MYT1L: variants seen among roughly 807,000 people sequenced by gnomAD.
The protein encoded by MYT1L is myelin transcription factor 1-like protein.
MYT1L carries 12 observed loss-of-function variants against 126.7 expected under a neutral mutation model. The ratio of observed to expected loss-of-function variants is 0.09; its 90% confidence interval spans 0.06 to 0.15. MYT1L has a LOEUF of 0.15. Ranked by LOEUF, MYT1L falls within the 10% of genes least tolerant of loss-of-function variation. MYT1L has a pLI of 1.00. For missense variants in MYT1L, 979 were observed against 1,585.2 expected (o/e 0.62, Z 6.49); for synonymous variants, 541 against 604.2 (o/e 0.90, Z 1.53).
intron 8 of MYT1L, among the ~76,000 whole-genome samples, chr2:1,956,995 C>A (rs1558535859): frequency 6.6e-6 from 1 of 152,150 alleles, no homozygotes; most frequent in Non-Finnish European, 1.5e-5. Context: ...TCTGTGTGAG[C>A]AGGAAGGGGT....
chr2:2,209,630 T>G (rs2093434401), intron 2 of MYT1L, among the ~76,000 whole-genome samples: 1 of 152,192 alleles, frequency 6.6e-6, no homozygotes, highest in Non-Finnish European at 1.5e-5. Context: ...ACATATATTT[T>G]TAAATTTTTA....
At chr2:2,199,512 G>A (rs2092966971) in intron 2 of MYT1L, among the ~76,000 whole-genome samples, 1 of 152,168 alleles carries the variant, frequency 6.6e-6, no homozygotes, top group African/African-American at 2.4e-5. Context: ...AGGAGCCACA[G>A]GAGAAAAGGG....
At chr2:2,222,690 A>G (rs79333037) in intron 2 of MYT1L, among the ~76,000 whole-genome samples, 121 of 152,294 alleles carry the variant, frequency 7.9e-4, no homozygotes, top group African/African-American at 2.8e-3. Context: ...ACTAGACTAC[A>G]CACAGACTCA....
At chr2:2,042,719 A>G (rs948809110) in intron 4 of MYT1L, among the ~76,000 whole-genome samples, 2 of 152,042 alleles carry the variant, frequency 1.3e-5, no homozygotes, top group Non-Finnish European at 2.9e-5. Flanking sequence ...TGGAGCCACT[A>G]TGTGGTCTTT....
At chr2:2,095,002 C>T (rs771730851) in intron 3 of MYT1L, among the ~76,000 whole-genome samples, 5 of 152,184 alleles carry the variant, frequency 3.3e-5, no homozygotes, top group African/African-American at 4.8e-5. Flanking sequence ...TCAAGCGAGC[C>T]GTGTCTCCAA....
intron 13 of MYT1L, among the ~76,000 whole-genome samples, chr2:1,904,216 G>T (rs115190848): frequency 2.6e-5 from 4 of 152,242 alleles, no homozygotes; most frequent in Non-Finnish European, 4.4e-5. Context: ...TCCTTTTTCT[G>T]ACACAGCCAT....
At chr2:1,916,592 T>C (rs1398904204) in intron 11 of MYT1L, among the ~76,000 whole-genome samples, 1 of 152,266 alleles carries the variant, frequency 6.6e-6, no homozygotes, top group Non-Finnish European at 1.5e-5. Flanking sequence ...CATGGACTTA[T>C]TCCACATGAT....
intron 3 of MYT1L, among the ~76,000 whole-genome samples, chr2:2,137,288 C>A (rs1215346867): frequency 1.3e-5 from 2 of 152,114 alleles, no homozygotes; most frequent in Non-Finnish European, 2.9e-5. Context: ...AGATTCAATG[C>A]CATCCTCATC....
At position 1,874,827 on chromosome 2, in the gene MYT1L, C is replaced by T. The variant is rs1007437096; in HGVS notation, c.2711+11712G>A. ...CTCAGCCATCCTCCTGCCCCATTTC[C>T]ACCTAGGGCAACGGGATTTTCAGGC... On this transcript the variant is annotated intron_variant, in intron 18 of 24. Coordinates refer to ENST00000647738, the MANE Select transcript of MYT1L (RefSeq NM_001303052.2). Among the ~76,000 whole-genome samples the T allele has an allele frequency of 3.7e-4, 56 of 152,172 alleles. 1 individual carries two copies. The highest frequency in any genetic ancestry group is 8.8e-5 in the Non-Finnish European group (6 of 68,026).
At chr2:1,809,211 TCCCAG>T in intron 21 of MYT1L, 44 bp from the exon 22 acceptor site, 3 of 1,563,476 alleles carry the variant, frequency 1.9e-6, no homozygotes, top group Non-Finnish European at 2.6e-6. Flanking sequence ...CTGTCTAATG[TCCCAG>T]CCCTGCAGGG....
chr2:2,082,157 A>G (rs2075900292), intron 3 of MYT1L, among the ~76,000 whole-genome samples: 2 of 152,228 alleles, frequency 1.3e-5, no homozygotes, highest in African/African-American at 4.8e-5. Context: ...CACTACATAC[A>G]TATACAAAGA....
intron 1 of MYT1L, chr2:2,326,788 T>C (rs766264792): frequency 2.0e-5 from 3 of 152,254 alleles, no homozygotes; most frequent in Non-Finnish European, 4.4e-5. Context: ...GGACTCATTA[T>C]GATGTCAAAG....
rs13413284 is a variant in MYT1L at position 2,224,722 on chromosome 2, G to C, written c.-420-51734C>G. On this transcript the variant is annotated intron_variant, in intron 2 of 24. Coordinates refer to ENST00000647738, the MANE Select transcript of MYT1L (RefSeq NM_001303052.2). The surrounding 1 kb of genome is among the most constrained non-coding windows in gnomAD (Gnocchi z 4.0). ...TAGTCCCAGCTACTTGGGAAGCTGAGACAGGAGAATGACATGAACCCGGGA... is the reference window on the plus strand; with the variant it reads ...TAGTCCCAGCTACTTGGGAAGCTGACACAGGAGAATGACATGAACCCGGGA... 0.038 allele frequency among the ~76,000 whole-genome samples: 5,750 copies of C among 151,936 alleles called. 248 individuals carry two copies. Among genetic ancestry groups the C allele is most frequent in the East Asian group, 0.2 (1,010 of 5,118 alleles).
chr2:2,297,487 C>T (rs868607708), intron 1 of MYT1L, among the ~76,000 whole-genome samples: 7 of 152,292 alleles, frequency 4.6e-5, no homozygotes, highest in Middle Eastern at 3.4e-3. Context: ...CACAAGATTC[C>T]CACCAAATAC....
chr2:2,251,348 G>A (rs902926870), intron 2 of MYT1L, among the ~76,000 whole-genome samples: 2 of 152,144 alleles, frequency 1.3e-5, no homozygotes, highest in African/African-American at 4.8e-5. Flanking sequence ...CTGCAGCCCA[G>A]GCTTCACTCT....
At chr2:1,850,042 C>G (rs79773145) in intron 19 of MYT1L, among the ~76,000 whole-genome samples, 15,191 of 134,328 alleles carry the variant, frequency 0.11, 1,034 homozygotes, top group African/African-American at 0.17. Flanking sequence ...GAGGGGGGGG[C>G]CATTATCCAC....
intron 3 of MYT1L, among the ~76,000 whole-genome samples, chr2:2,114,685 A>G (rs974148875): frequency 2.0e-5 from 3 of 152,232 alleles, no homozygotes; most frequent in Non-Finnish European, 4.4e-5. Context: ...ATGATTGTCA[A>G]ACAAATGAAT....
chr2:2,130,897 G>C (rs1366346032), intron 3 of MYT1L, among the ~76,000 whole-genome samples: 1 of 151,954 alleles, frequency 6.6e-6, no homozygotes, highest in Non-Finnish European at 1.5e-5. Flanking sequence ...AGAAACCCAG[G>C]CAAGAAAAAA....
At chr2:2,033,508 G>C (rs531158239) in intron 4 of MYT1L, among the ~76,000 whole-genome samples, 198 of 152,320 alleles carry the variant, frequency 1.3e-3, no homozygotes, top group Middle Eastern at 3.4e-3. Context: ...GGACCTGGGG[G>C]CACGCCAGGT....
Sources: allele counts gnomAD v4.1 joint callset (sites outside exome capture counted in the v4.1 genomes callset), GRCh38; gene constraint gnomAD v4.1.1; non-coding constraint Gnocchi (gnomAD v3.1); transcripts MANE v1.5; gene names NCBI Gene and HGNC (gene_info 2026-07-23, HGNC 2026-07-21).